UTP20: variants seen among roughly 807,000 people sequenced by gnomAD.
UTP20 encodes UTP20 small subunit processome component, also known as small subunit processome component 20 homolog.
A neutral mutation model predicts 329.5 loss-of-function variants in UTP20; 164 were observed. That is an observed-to-expected ratio of 0.50 (90% CI 0.44 to 0.57). The LOEUF (loss-of-function observed/expected upper bound fraction) is 0.57, where lower values mean the gene tolerates loss of function less well. Ranked by LOEUF, UTP20 falls within the 20% of genes least tolerant of loss-of-function variation. The pLI, the probability that UTP20 is intolerant of heterozygous loss-of-function variation, is 0.00. For synonymous variants in UTP20, 1,151 were observed against 1,159.3 expected, an observed-to-expected ratio of 0.99 and a Z score of 0.14; for missense variants, 3,055 against 3,284.2, an observed-to-expected ratio of 0.93 and a Z score of 1.71.
intron 18 of UTP20, among the ~76,000 whole-genome samples, chr12:101,308,899 A>T (rs1406553300): frequency 6.6e-6 from 1 of 151,820 alleles, no homozygotes; most frequent in African/African-American, 2.4e-5. Flanking sequence ...CACCTGGCTA[A>T]TTTTTTTGTA....
chr12:101,314,052 A>T (rs1202137085), intron 21 of UTP20, among the ~76,000 whole-genome samples: 1 of 152,196 alleles, frequency 6.6e-6, no homozygotes, highest in Non-Finnish European at 1.5e-5. Context: ...ATACGGAATA[A>T]AGTCATCTAG....
chr12:101,289,740 T>C (rs1001117786), intron 6 of UTP20, among the ~76,000 whole-genome samples: 18 of 152,194 alleles, frequency 1.2e-4, no homozygotes, highest in African/African-American at 2.2e-4. Flanking sequence ...ATGGTGTCAT[T>C]TGTGTTTGTA....
chr12:101,365,420 C>T, intron 45 of UTP20, 39 bp from the exon 46 acceptor site: 1 of 1,466,050 alleles, frequency 6.8e-7, no homozygotes. Context: ...AAATGCATTT[C>T]TGTGTCATCT....
In UTP20 at chr12:101,371,162, T is replaced by C. The variant is rs112620773; in HGVS notation, c.6792T>C (p.Cys2264=). ...AAAGCGAACCTGCCAGGGTCCAGTG[T>C]AGACAGGTTTGTAGAGAGCACTTAT... ...SAQSEPARVQ[C]RQVFLKYILD... is the part of the protein sequence containing the mutation. The change falls in exon 51 of 62, where the codon TGT becomes TGC. Residue 2264 remains cysteine, a synonymous_variant. Coordinates refer to ENST00000261637, the MANE Select transcript of UTP20 (RefSeq NM_014503.3). 690 of 1,613,022 alleles carry C rather than the reference T, an allele frequency of 4.3e-4. 2 individuals carry two copies. The African/African-American group carries it at 7.0e-3, about 16-fold the overall frequency.
At chr12:101,303,239 A>G (rs1276384899) in intron 15 of UTP20, among the ~76,000 whole-genome samples, 1 of 152,220 alleles carries the variant, frequency 6.6e-6, no homozygotes, top group African/African-American at 2.4e-5. Context: ...AAACATAGTG[A>G]ATAAAACAGA....
At chr12:101,295,737 A>C in intron 12 of UTP20, 79 bp downstream of exon 12, 1 of 1,397,474 alleles carries the variant, frequency 7.2e-7, no homozygotes, top group Non-Finnish European at 9.5e-7. Flanking sequence ...ACTGTAAAAA[A>C]ATGATCTATA....
rs559628699 is a variant in UTP20 at position 101,369,342 on chromosome 12, G to A, written c.6385-379G>A. On this transcript the variant is annotated intron_variant, in intron 48 of 61. Coordinates refer to ENST00000261637, the MANE Select transcript of UTP20 (RefSeq NM_014503.3). ...ATAAGTAGGTTAAAAATATGGCTGG[G>A]CATGGTGGCTCAGGCCTATGACCCC... 3.7e-4 allele frequency among the ~76,000 whole-genome samples: 56 copies of A among 152,270 alleles called. 1 individual carries two copies. The South Asian group carries it at 0.011, about 30-fold the overall frequency.
In UTP20 at chr12:101,291,967, C is replaced by T. The variant is rs760479474; in HGVS notation, c.1039-3C>T. On this transcript the variant is annotated splice_polypyrimidine_tract_variant and splice_region_variant and intron_variant, in intron 9 of 61. Transcript: ENST00000261637. ...GAGTATGCATTGTTTTTTCTTTTTG[C>T]AGGTGTTATCTCAAACACTGCAAGT... 4 of 1,608,232 alleles carry T rather than the reference C, an allele frequency of 2.5e-6. No homozygotes were observed. Among genetic ancestry groups the T allele is most frequent in the South Asian group, 1.1e-5 (1 of 89,568 alleles).
chr12:101,298,384 C>G (rs1872425868), intron 12 of UTP20, among the ~76,000 whole-genome samples: 1 of 152,120 alleles, frequency 6.6e-6, no homozygotes, highest in South Asian at 2.1e-4. Flanking sequence ...AGGATCCAGC[C>G]TTGCAAAGAT....
Position 101,292,099 on chromosome 12 carries a change from G to A in UTP20, c.1168G>A (p.Glu390Lys), listed in dbSNP as rs764430776. Residue 390 changes from glutamate to lysine, a missense_variant, in exon 10 of 62, where the codon GAA (glutamate) becomes AAA (lysine). By Grantham distance (56) the Glu-to-Lys change is moderately conservative. This residue lies in a region of UTP20 where 2,445 missense variants were observed against 2,575.5 expected (regional missense o/e 0.95). Transcript: ENST00000261637. ...GGAGACCCTCATCAAAGAAACCATAGAAAAAGTAATTTACTTCAACAAATA... is the reference window on the plus strand; with the variant it reads ...GGAGACCCTCATCAAAGAAACCATAAAAAAAGTAATTTACTTCAACAAATA... ...LPETLIKETI[E>K]KIFESRFEKR... The A allele has an allele frequency of 8.7e-6, 14 of 1,611,288 alleles. No individual in the cohort carries two copies. Among genetic ancestry groups the A allele is most frequent in the Non-Finnish European group, 1.1e-5 (13 of 1,179,266 alleles).
chr12:101,335,460 G>A (rs2137272232), intron 29 of UTP20, among the ~76,000 whole-genome samples: 1 of 152,208 alleles, frequency 6.6e-6, no homozygotes, highest in African/African-American at 2.4e-5. Flanking sequence ...ATCATTTTCT[G>A]CATGCTTGCT....
Position 101,299,785 on chromosome 12 carries a change from A to T in UTP20, c.1534A>T (p.Thr512Ser). 6.2e-7 allele frequency: 1 copy of T among 1,613,196 alleles called. No individual in the cohort carries two copies. The highest frequency in any genetic ancestry group is 8.5e-7 in the Non-Finnish European group (1 of 1,179,700). The change falls in exon 13 of 62, where the codon ACT (threonine) becomes TCT (serine). Residue 512 changes from threonine to serine, a missense_variant. Transcript: ENST00000261637. The stretch of plus-strand genomic sequence containing the variant: ...AATTAAGTTACCCCCAAATAAAGAT[A>T]CTACTTACCTTTCACAATCTTGGGC... ...SIIKLPPNKDTTYLSQSWAAL... is the reference protein window; with the variant it reads ...SIIKLPPNKDSTYLSQSWAAL...
Position 101,366,343 on chromosome 12 carries a change from G to A in UTP20, c.6126-215G>A, listed in dbSNP as rs188698005. Among the ~76,000 whole-genome samples the A allele has an allele frequency of 2.7e-4, 41 of 152,246 alleles. No individual in the cohort carries two copies. The East Asian group carries it at 7.1e-3, about 27-fold the overall frequency. On this transcript the variant is annotated intron_variant, in intron 46 of 61. Transcript: ENST00000261637. ...TCAAACAAGGGAGTATCCTGCTGTTGATCCTAATATAAATATGTTGTCCTA... is the reference window on the plus strand; with the variant it reads ...TCAAACAAGGGAGTATCCTGCTGTTAATCCTAATATAAATATGTTGTCCTA...
intron 47 of UTP20, 104 bp downstream of exon 47, chr12:101,366,803 A>T: frequency 1.4e-6 from 2 of 1,394,200 alleles, no homozygotes. Context: ...GAAATGCCTT[A>T]CTGTAAATAC....
At chr12:101,287,295 C>T (rs703712) in intron 5 of UTP20, among the ~76,000 whole-genome samples, 129,369 of 152,252 alleles carry the variant, frequency 0.85, 55,356 homozygotes, top group African/African-American at 0.93. Context: ...TTTTTCCAGC[C>T]TTTACTAGTT....
At chr12:101,373,352 T>A (rs1427409234) in intron 52 of UTP20, 49 bp from the exon 53 acceptor site, 8 of 1,508,418 alleles carry the variant, frequency 5.3e-6, no homozygotes, top group Non-Finnish European at 7.3e-6. Flanking sequence ...AAATAATTAT[T>A]TGTAAATTTA....
rs1346540611 is a variant in UTP20, at chr12:101,320,801, T to G, written c.2830-51T>G. 4 of 1,482,082 alleles carry G rather than the reference T, an allele frequency of 2.7e-6. No individual in the cohort carries two copies. In the African/African-American group the frequency reaches 4.3e-5, roughly 16 times the overall value. The allele number at this position is 1,482,082 out of a possible 1,614,324, so 91.8% of individuals were successfully genotyped here. A position where few individuals can be genotyped will look rare whatever the true frequency, so the allele number is the denominator to read the frequency against. On this transcript the variant is annotated intron_variant, in intron 23 of 61. Coordinates refer to ENST00000261637, the MANE Select transcript of UTP20 (RefSeq NM_014503.3). ...AATAACCACAAGTAAATTGCTATCC[T>G]ATGGTATATGTATATATGACTTCAT...
At chr12:101,310,169 C>G (rs1008673603) in intron 19 of UTP20, among the ~76,000 whole-genome samples, 1 of 151,996 alleles carries the variant, frequency 6.6e-6, no homozygotes, top group African/African-American at 2.4e-5. Context: ...AATTTTATTT[C>G]TATATTTTGA....
chr12:101,385,965 C>A lies in UTP20; in HGVS notation c.8203-3C>A. On this transcript the variant is annotated splice_polypyrimidine_tract_variant and splice_region_variant and intron_variant, in intron 61 of 61. Transcript: ENST00000261637. ...AATATAAAATTTCTATTCTCTTTTC[C>A]AGTTTGTAACTAATCCTGATATTGC... 6.4e-7 allele frequency: 1 copy of A among 1,554,534 alleles called. No individual in the cohort carries two copies. Among genetic ancestry groups the A allele is most frequent in the Non-Finnish European group, 8.7e-7 (1 of 1,148,368 alleles).
Sources: gnomAD v4.1 joint callset for allele counts (sites outside exome capture counted in the v4.1 genomes callset) on GRCh38, gnomAD v4.1.1 for gene constraint, gnomAD v4.1.1 regional missense constraint, MANE v1.5 for transcripts, NCBI Gene and HGNC (gene_info 2026-07-23, HGNC 2026-07-21) for gene names.